MYLK: variants seen among roughly 807,000 people sequenced by gnomAD.
MYLK encodes myosin light chain kinase, smooth muscle.
Under a neutral mutation model 203.4 loss-of-function variants are expected in MYLK, and 106 were observed. The ratio of observed to expected loss-of-function variants is 0.52; its 90% CI spans 0.45 to 0.61. The LOEUF is 0.61. MYLK is among the 20% of genes least tolerant of loss of function. The pLI is 0.00. For missense variants in MYLK, 2,072 were observed against 2,442.3 expected (o/e 0.85, Z 3.20); for synonymous variants, 867 against 959.5 (o/e 0.90, Z 1.78).
At position 123,733,959 on chromosome 3, in the gene MYLK, G is replaced by A. The variant is rs1321752866; in HGVS notation, c.1037C>T (p.Thr346Ile). Reference protein sequence around the residue: ...PVLQKTSSSITLQAARVQPEP... With the variant: ...PVLQKTSSSIILQAARVQPEP... Reference sequence around the variant, plus strand: ...CGGCTGAACTCTTGCGGCCTGCAGGGTGATGGAGCTGGAAGTCTTCTGAAG... The same window carrying A: ...CGGCTGAACTCTTGCGGCCTGCAGGATGATGGAGCTGGAAGTCTTCTGAAG... The change falls in exon 10 of 34, where the codon ACC becomes ATC. Residue 346 changes from threonine (T) to isoleucine (I), a missense_variant. Around this residue, in one of 3 missense-constraint regions of MYLK, gnomAD observed 683 missense variants for 643.8 expected, o/e 1.06. Transcript: ENST00000360304. The A allele has an allele frequency of 6.2e-7, 1 of 1,614,080 alleles. No homozygotes were observed. Among genetic ancestry groups the A allele is most frequent in the Admixed American group, 1.7e-5 (1 of 60,006 alleles).
chr3:123,749,432 C>A (rs1047972492), intron 5 of MYLK, among the ~76,000 whole-genome samples: 2 of 152,184 alleles, frequency 1.3e-5, no homozygotes, highest in African/African-American at 4.8e-5. Flanking sequence ...TGGAGGTGGG[C>A]AAGTGTCAGA....
Position 123,648,430 on chromosome 3 carries a change from A to G in MYLK, c.4415+541T>C, listed in dbSNP as rs2059097175. 6.6e-6 allele frequency among the ~76,000 whole-genome samples: 1 copy of G among 152,230 alleles called. No homozygotes were observed. Among genetic ancestry groups the G allele is most frequent in the African/African-American group, 2.4e-5 (1 of 41,460 alleles). On this transcript the variant is annotated intron_variant, in intron 26 of 33. Coordinates refer to ENST00000360304, the MANE Select transcript of MYLK (RefSeq NM_053025.4). The surrounding 1 kb of genome is among the most constrained non-coding windows in gnomAD (Gnocchi z 4.5). ...TGTGGATCAAATGGAAGGGGTGCCAAAGATAATCTGATCCAGTCCTCTCAT... is the reference window on the plus strand; with the variant it reads ...TGTGGATCAAATGGAAGGGGTGCCAGAGATAATCTGATCCAGTCCTCTCAT...
intron 2 of MYLK, among the ~76,000 whole-genome samples, chr3:123,846,599 T>C (rs2030032201): frequency 6.6e-6 from 1 of 152,118 alleles, no homozygotes; most frequent in African/African-American, 2.4e-5. Context: ...GTGTAAAGGG[T>C]ATAACCAAAT....
chr3:123,616,667 C>A (rs1474511571), intron 33 of MYLK: 1 of 152,116 alleles, frequency 6.6e-6, no homozygotes, highest in Non-Finnish European at 1.5e-5. Context: ...GGAGGCCGAT[C>A]CCTCATGAAT....
chr3:123,814,842 G>A (rs1229415337), intron 3 of MYLK, among the ~76,000 whole-genome samples: 1 of 152,004 alleles, frequency 6.6e-6, no homozygotes, highest in East Asian at 1.9e-4. Context: ...ACCCAGGCTG[G>A]AGTACAGCGG....
At chr3:123,876,465 C>CT (rs1333924132) in intron 2 of MYLK, 94 bp downstream of exon 2, 3 of 151,964 alleles carry the variant, frequency 2.0e-5, no homozygotes, top group Non-Finnish European at 4.4e-5. Flanking sequence ...AAAGGAAGTG[C>CT]TTTTTCCTGA....
chr3:123,686,325 C>A (rs2060454505), intron 19 of MYLK, among the ~76,000 whole-genome samples: 1 of 150,802 alleles, frequency 6.6e-6, no homozygotes, highest in Non-Finnish European at 1.5e-5. Flanking sequence ...GACAATGCCT[C>A]ACCCCTCCCA....
At chr3:123,690,923 G>GCAAA (rs1179813587) in intron 19 of MYLK, among the ~76,000 whole-genome samples, 1 of 152,020 alleles carries the variant, frequency 6.6e-6, no homozygotes, top group Non-Finnish European at 1.5e-5. Flanking sequence ...CAGACTCTGG[G>GCAAA]CAAACAAAGC....
intron 4 of MYLK, among the ~76,000 whole-genome samples, chr3:123,765,338 C>T (rs2063667638): frequency 6.6e-6 from 1 of 151,996 alleles, no homozygotes; most frequent in African/African-American, 2.4e-5. Context: ...CGAGACCAGC[C>T]TGGCCAACAT....
chr3:123,626,753 G>GA, intron 31 of MYLK, 65 bp downstream of exon 31: 1 of 1,612,132 alleles, frequency 6.2e-7, no homozygotes, highest in Non-Finnish European at 8.5e-7. Context: ...AGCTGGGAAT[G>GA]AAAGTGGCTT....
chr3:123,742,720 T>C (rs923901857), intron 5 of MYLK, among the ~76,000 whole-genome samples: 31 of 151,254 alleles, frequency 2.0e-4, no homozygotes, highest in Admixed American at 2.0e-3. Flanking sequence ...TTTATAAAAA[T>C]TAGACTGATT....
Position 123,629,964 on chromosome 3 carries a change from C to A in MYLK, c.4962-338G>T, listed in dbSNP as rs2058342131. 3.0e-6 allele frequency: 1 copy of A among 331,190 alleles called. No individual in the cohort carries two copies. The allele number at this position is 331,190 out of a possible 1,614,324, so 20.5% of individuals were successfully genotyped here. On this transcript the variant is annotated intron_variant, in intron 29 of 33. Transcript: ENST00000360304. The surrounding 1 kb of genome is among the most constrained non-coding windows in gnomAD (Gnocchi z 4.4). ...TTATTCCCCAAAGCCCAGGCTAGAG[C>A]CTTCTCCAAGCCCCTTCCTCCCGTG...
intron 2 of MYLK, among the ~76,000 whole-genome samples, chr3:123,833,072 C>T (rs957078686): frequency 3.9e-5 from 6 of 152,012 alleles, no homozygotes; most frequent in Non-Finnish European, 7.4e-5. Context: ...AGGTGGAATT[C>T]CCACCCCATT....
At chr3:123,727,932 G>A (rs983074602) in intron 11 of MYLK, among the ~76,000 whole-genome samples, 5 of 152,088 alleles carry the variant, frequency 3.3e-5, no homozygotes, top group Admixed American at 3.3e-4. Flanking sequence ...AAAGAGAGAA[G>A]TATGTAGGAG....
rs1378921032 is a variant in MYLK, at chr3:123,629,101, C to T, written c.5114+373G>A. On this transcript the variant is annotated intron_variant, in intron 30 of 33. Transcript: ENST00000360304. This position sits in a 1 kb window ranked among gnomAD's most constrained non-coding sequence, Gnocchi z 4.4. ...CTCTTGCTTGTTGAGAGGGTCCTTC[C>T]CCTGCAGCCCCTGAAGAGGGCTGTG... 6.6e-6 allele frequency among the ~76,000 whole-genome samples: 1 copy of T among 152,086 alleles called. No individual in the cohort carries two copies. The highest frequency in any genetic ancestry group is 1.5e-5 in the Non-Finnish European group (1 of 68,004).
intron 16 of MYLK, 136 bp from the exon 17 acceptor site, chr3:123,701,645 C>T (rs1203492784): frequency 1.2e-6 from 1 of 819,048 alleles, no homozygotes; most frequent in African/African-American, 1.7e-5. Flanking sequence ...TCACCCCAGC[C>T]TTAGATTTAG....
chr3:123,643,789 G>A (rs1388519556), intron 27 of MYLK, among the ~76,000 whole-genome samples: 1 of 152,256 alleles, frequency 6.6e-6, no homozygotes, highest in East Asian at 1.9e-4. Flanking sequence ...AAGGAATGGT[G>A]CTATCACTGG....
chr3:123,791,311 C>G (rs1054845598), intron 4 of MYLK, among the ~76,000 whole-genome samples: 3 of 152,234 alleles, frequency 2.0e-5, no homozygotes, highest in African/African-American at 7.2e-5. Context: ...CTAACACCAC[C>G]TAACTTTTCA....
At chr3:123,694,587 C>A (rs1024978611) in intron 18 of MYLK, among the ~76,000 whole-genome samples, 1 of 152,210 alleles carries the variant, frequency 6.6e-6, no homozygotes, top group Non-Finnish European at 1.5e-5. Context: ...AGATATCCCA[C>A]CCCCAACGCA....
Sources: allele counts gnomAD v4.1 joint callset (sites outside exome capture counted in the v4.1 genomes callset), GRCh38; gene constraint gnomAD v4.1.1; regional missense constraint gnomAD v4.1.1; non-coding constraint Gnocchi (gnomAD v3.1); transcripts MANE v1.5; gene names NCBI Gene and HGNC (gene_info 2026-07-23, HGNC 2026-07-21).